GSE1: variants seen among roughly 807,000 people sequenced by gnomAD.
GSE1 encodes the protein Gse1 coiled-coil protein, also known as genetic suppressor element 1.
Under a neutral mutation model 112.6 loss-of-function variants are expected in GSE1, and 32 were observed. The observed-to-expected ratio is 0.28, with a 90% CI of 0.21 to 0.38. The LOEUF is 0.38. GSE1 is among the 10% of genes least tolerant of loss of function. The pLI is 1.00. For synonymous variants in GSE1, 1,115 were observed against 735.6 expected, an observed-to-expected ratio of 1.52 and a Z score of -8.35; for missense variants, 2,348 against 1,699.2, an observed-to-expected ratio of 1.38 and a Z score of -6.71.
At chr16:85,496,666 G>A (rs117618170) in intron 2 of GSE1, among the ~76,000 whole-genome samples, 33 of 152,358 alleles carry the variant, frequency 2.2e-4, no homozygotes, top group Admixed American at 3.3e-4. Context: ...CATATAGAGA[G>A]CGCTCAGGAA....
At chr16:85,654,244 G>C in intron 3 of GSE1, 34 bp from the exon 4 acceptor site, 1 of 1,560,140 alleles carries the variant, frequency 6.4e-7, no homozygotes, top group African/African-American at 1.4e-5. Flanking sequence ...CCTATACCAG[G>C]CTCCTGCCCT....
rs534030258 is a variant in GSE1 at position 85,643,746 on chromosome 16, T to C, written c.227-4806T>C. On this transcript the variant is annotated intron_variant, in intron 2 of 15. Transcript: ENST00000253458. ...TCTGAGGTTCCTGGGGCTTGGCACG[T>C]GGTGGGGCTCGGAAGCTCCTGCTCC... Among the ~76,000 whole-genome samples the C allele has an allele frequency of 3.3e-5, 5 of 152,248 alleles. No individual in the cohort carries two copies. The East Asian group carries it at 9.7e-4, about 29-fold the overall frequency.
At chr16:85,617,031 C>G (rs1012598648) in intron 1 of GSE1, among the ~76,000 whole-genome samples, 8 of 152,206 alleles carry the variant, frequency 5.3e-5, no homozygotes, top group Non-Finnish European at 1.0e-4. Context: ...TCAGCTCCAG[C>G]CAGACGAAAC....
chr16:85,466,373 G>A (rs1044402703), intron 2 of GSE1, among the ~76,000 whole-genome samples: 7 of 152,236 alleles, frequency 4.6e-5, no homozygotes, highest in Non-Finnish European at 8.8e-5. Context: ...GGCAGGGGCT[G>A]TGTGAACCCT....
intron 1 of GSE1, among the ~76,000 whole-genome samples, chr16:85,333,577 T>C (rs2046420944): frequency 6.6e-6 from 1 of 152,222 alleles, no homozygotes. Flanking sequence ...GCCTCTTTAC[T>C]GTATGTGGCC....
At chr16:85,513,920 C>T (rs935384931) in intron 2 of GSE1, among the ~76,000 whole-genome samples, 5 of 152,094 alleles carry the variant, frequency 3.3e-5, no homozygotes, top group Non-Finnish European at 5.9e-5. Context: ...GTCAGGGCCC[C>T]GGGATCTGCA....
upstream of GSE1, among the ~76,000 whole-genome samples, chr16:85,553,947 A>T (rs1317951175): frequency 2.6e-5 from 4 of 152,280 alleles, no homozygotes; most frequent in Middle Eastern, 3.4e-3. Flanking sequence ...GCAGGAACCC[A>T]AGCCTGGTGT....
At chr16:85,337,789 C>G (rs528597180) in intron 1 of GSE1, among the ~76,000 whole-genome samples, 1 of 152,386 alleles carries the variant, frequency 6.6e-6, no homozygotes, top group South Asian at 2.1e-4. Context: ...TGCTGCCACA[C>G]CTGGCGTCTG....
In GSE1 at chr16:85,627,044, CTT is replaced by C. The variant is rs564272210; in HGVS notation, c.8-6839_8-6838del. Among the ~76,000 whole-genome samples the C allele has an allele frequency of 7.0e-3, 175 of 25,026 alleles. 1 individual carries two copies. The highest frequency in any genetic ancestry group is 0.056 in the Middle Eastern group (1 of 18). The allele number at this position is 25,026 out of a possible 152,430, so 16.4% of individuals were successfully genotyped here. Reference sequence around the variant, plus strand: ...GGACTTTGCTTCCTTTTCTTCTTGCCTTTTTTTTTTTTTTTTTTTTTTTTTTT... The same window carrying C: ...GGACTTTGCTTCCTTTTCTTCTTGCCTTTTTTTTTTTTTTTTTTTTTTTTT... On this transcript the variant is annotated intron_variant, in intron 1 of 15. Coordinates refer to ENST00000253458, the MANE Select transcript of GSE1 (RefSeq NM_014615.5).
chr16:85,439,551 C>G (rs1214459607), intron 2 of GSE1, among the ~76,000 whole-genome samples: 1 of 152,122 alleles, frequency 6.6e-6, no homozygotes, highest in Non-Finnish European at 1.5e-5. Flanking sequence ...CACACACACA[C>G]ACACACACCC....
At chr16:85,649,601 G>T (rs970613029) in intron 3 of GSE1, among the ~76,000 whole-genome samples, 1 of 152,084 alleles carries the variant, frequency 6.6e-6, no homozygotes, top group Admixed American at 6.5e-5. Flanking sequence ...CCTGGGGCCT[G>T]TGCGCCCTCA....
At chr16:85,554,523 T>C (rs1416252811), upstream of GSE1, among the ~76,000 whole-genome samples, 2 of 152,060 alleles carry the variant, frequency 1.3e-5, no homozygotes, top group African/African-American at 4.8e-5. Flanking sequence ...TGGGAGATGC[T>C]ATCAAGCATT....
Position 85,663,488 on chromosome 16 carries a change from T to G in GSE1, c.2518T>G (p.Ser840Ala), listed in dbSNP as rs1316767796. The part of the protein sequence containing the change: ...PTIQSKRQTP[S>A]PRLALSTRYS... ...AATTCAGAGCAAGCGGCAGACGCCTTCACCGAGACTGGCGCTGTCTACCCG... is the reference window on the plus strand; with the variant it reads ...AATTCAGAGCAAGCGGCAGACGCCTGCACCGAGACTGGCGCTGTCTACCCG... Residue 840 changes from serine (S) to alanine (A), a missense_variant, in exon 11 of 16, where the codon TCA (serine) becomes GCA (alanine). Ser to Ala is a moderately conservative substitution (Grantham distance 99). Coordinates refer to ENST00000253458, the MANE Select transcript of GSE1 (RefSeq NM_014615.5). 1 of 1,613,504 alleles carries G rather than the reference T, an allele frequency of 6.2e-7. No individual in the cohort carries two copies. Among genetic ancestry groups the G allele is most frequent in the African/African-American group, 1.3e-5 (1 of 74,812 alleles).
At chr16:85,331,361 G>GTATATATGTATATATATGTATATATA (rs1299782485) in intron 1 of GSE1, among the ~76,000 whole-genome samples, 14 of 67,008 alleles carry the variant, frequency 2.1e-4, no homozygotes, top group African/African-American at 6.8e-4. Flanking sequence ...GTGTGTGTGT[G>GTATATATGTATATATATGTATATATA]TGTGTATATA....
upstream of GSE1, among the ~76,000 whole-genome samples, chr16:85,553,986 C>T (rs969400794): frequency 6.6e-6 from 1 of 152,086 alleles, no homozygotes; most frequent in African/African-American, 2.4e-5. Flanking sequence ...TGTGTACCTG[C>T]GGGCTCAGGT....
intron 2 of GSE1, among the ~76,000 whole-genome samples, chr16:85,417,671 G>A (rs2151730314): frequency 6.6e-6 from 1 of 152,334 alleles, no homozygotes; most frequent in African/African-American, 2.4e-5. Context: ...CAAGGCCAGT[G>A]GGAGAGGAGG....
At chr16:85,630,820 C>T (rs1041508654) in intron 1 of GSE1, among the ~76,000 whole-genome samples, 3 of 152,180 alleles carry the variant, frequency 2.0e-5, no homozygotes, top group Non-Finnish European at 4.4e-5. Flanking sequence ...CTTAGGTCAT[C>T]TCCTGGTCTC....
chr16:85,603,279 G>C (rs549183090), intron 1 of GSE1, among the ~76,000 whole-genome samples: 20 of 152,324 alleles, frequency 1.3e-4, no homozygotes, highest in Non-Finnish European at 1.2e-4. Flanking sequence ...TCCGTGGAAG[G>C]GGGAGAGACG....
exon 1 of GSE1, chr16:85,171,441 C>T: frequency 1.0e-6 from 1 of 985,252 alleles, no homozygotes; most frequent in Non-Finnish European, 1.2e-6. Context: ...GGCCTGTGGA[C>T]TCCACCGGCC....
Sources: gnomAD v4.1 joint callset for allele counts (sites outside exome capture counted in the v4.1 genomes callset) on GRCh38, gnomAD v4.1.1 for gene constraint, MANE v1.5 for transcripts, NCBI Gene and HGNC (gene_info 2026-07-23, HGNC 2026-07-21) for gene names.